Variants in LSAMP observed in about 807,000 individuals in gnomAD.
The protein encoded by LSAMP is limbic system-associated membrane protein.
Under a neutral mutation model 38.6 loss-of-function variants are expected in LSAMP, and 7 were observed. The observed-to-expected ratio is 0.18, with a 90% CI of 0.10 to 0.34. The LOEUF is 0.34. Ranked by LOEUF, LSAMP falls within the 10% of genes least tolerant of loss-of-function variation. The pLI, the probability that LSAMP is intolerant of heterozygous loss-of-function variation, is 1.00. For missense variants in LSAMP, 313 were observed against 420.0 expected (o/e 0.75, Z 2.23); for synonymous variants, 154 against 166.8 (o/e 0.92, Z 0.59).
intron 3 of LSAMP, among the ~76,000 whole-genome samples, chr3:115,959,430 C>A (rs1387829957): frequency 6.6e-6 from 1 of 152,012 alleles, no homozygotes; most frequent in Non-Finnish European, 1.5e-5. Context: ...TGTTGTAAAT[C>A]TGTGCTGTAT....
intron 6 of LSAMP, among the ~76,000 whole-genome samples, chr3:115,835,210 CCT>C (rs1208049944): frequency 6.6e-6 from 1 of 152,048 alleles, no homozygotes; most frequent in Non-Finnish European, 1.5e-5. Flanking sequence ...CTTAATTCCC[CCT>C]CTTTTTATAA....
chr3:116,395,012 C>G (rs1325785568), intron 1 of LSAMP, among the ~76,000 whole-genome samples: 3 of 152,144 alleles, frequency 2.0e-5, no homozygotes, highest in African/African-American at 7.2e-5. Flanking sequence ...CTGTGTTTTG[C>G]TCTCATTTCT....
intron 3 of LSAMP, among the ~76,000 whole-genome samples, chr3:115,956,219 A>C (rs545467564): frequency 6.6e-6 from 1 of 151,716 alleles, no homozygotes; most frequent in South Asian, 2.1e-4. Flanking sequence ...GGAAAGCACT[A>C]GGGTATCTGA....
At chr3:116,348,888 T>C (rs2107762710) in intron 1 of LSAMP, among the ~76,000 whole-genome samples, 1 of 152,290 alleles carries the variant, frequency 6.6e-6, no homozygotes, top group African/African-American at 2.4e-5. Flanking sequence ...TGGCCAAAGC[T>C]ATTACTTTTA....
chr3:116,226,744 G>A (rs1357895836), intron 1 of LSAMP, among the ~76,000 whole-genome samples: 2 of 152,162 alleles, frequency 1.3e-5, no homozygotes, highest in Non-Finnish European at 2.9e-5. Context: ...GTGTAGACAC[G>A]TCACAGTTAG....
chr3:116,184,875 A>G, intron 1 of LSAMP, among the ~76,000 whole-genome samples: 1 of 151,590 alleles, frequency 6.6e-6, no homozygotes, highest in Admixed American at 6.6e-5. Context: ...AGATTCTTTG[A>G]CTTCACTGGA....
intron 2 of LSAMP, among the ~76,000 whole-genome samples, chr3:116,041,673 A>G (rs976564575): frequency 2.6e-5 from 4 of 151,928 alleles, no homozygotes; most frequent in East Asian, 2.0e-4. Flanking sequence ...CTTGATACCA[A>G]CCAGAAACCT....
chr3:115,867,095 G>C (rs1414428513), intron 3 of LSAMP, among the ~76,000 whole-genome samples: 2 of 151,836 alleles, frequency 1.3e-5, no homozygotes, highest in Non-Finnish European at 2.9e-5. Context: ...TAGGAATTGA[G>C]TAGCAAACAC....
intron 1 of LSAMP, among the ~76,000 whole-genome samples, chr3:116,180,323 G>C (rs1710455174): frequency 6.6e-6 from 1 of 151,732 alleles, no homozygotes; most frequent in African/African-American, 2.4e-5. Flanking sequence ...GATGCAATGA[G>C]AGTTCATTAC....
At chr3:116,119,661 C>CTTTTT (rs3071059) in intron 1 of LSAMP, among the ~76,000 whole-genome samples, 3 of 140,572 alleles carry the variant, frequency 2.1e-5, no homozygotes, top group Non-Finnish European at 4.7e-5. Context: ...TTTTTCTTTT[C>CTTTTT]TTTTTTTTTT....
rs959862585 is a variant in LSAMP, at chr3:116,225,384, G to A, written c.156-138828C>T. Among the ~76,000 whole-genome samples the A allele has an allele frequency of 3.9e-5, 6 of 152,270 alleles. No individual in the cohort carries two copies. In the South Asian group the frequency reaches 8.3e-4, roughly 21 times the overall value. On this transcript the variant is annotated intron_variant, in intron 1 of 6. Transcript: ENST00000490035. ...CAGAAGTCGCAAGAGGAAAAGGAAG[G>A]ATTATCCTCTAGAGCCGTCAGAGGG...
intron 1 of LSAMP, among the ~76,000 whole-genome samples, chr3:116,432,296 A>G (rs1355340131): frequency 6.6e-6 from 1 of 151,878 alleles, no homozygotes; most frequent in Non-Finnish European, 1.5e-5. Flanking sequence ...TATAAAAATC[A>G]CATTTATGCT....
At chr3:116,010,672 G>C (rs773495308) in intron 3 of LSAMP, among the ~76,000 whole-genome samples, 1 of 152,354 alleles carries the variant, frequency 6.6e-6, no homozygotes, top group Admixed American at 6.5e-5. Context: ...CAGCACATCA[G>C]AGTAACTCAA....
intron 3 of LSAMP, among the ~76,000 whole-genome samples, chr3:115,949,212 T>C (rs749266187): frequency 1.3e-5 from 2 of 152,236 alleles, no homozygotes; most frequent in African/African-American, 2.4e-5. Context: ...TGAGCCAAGA[T>C]TGGGCCACTG....
At chr3:116,183,732 A>G (rs1478761961) in intron 1 of LSAMP, among the ~76,000 whole-genome samples, 2 of 151,822 alleles carry the variant, frequency 1.3e-5, no homozygotes, top group East Asian at 1.9e-4. Context: ...TCTGATTAGA[A>G]CACCTATAAA....
intron 1 of LSAMP, among the ~76,000 whole-genome samples, chr3:116,088,808 G>A (rs1408952814): frequency 6.6e-6 from 1 of 151,966 alleles, no homozygotes; most frequent in Non-Finnish European, 1.5e-5. Context: ...ACCTAAATAT[G>A]GCCTGTGAAT....
At chr3:115,883,367 A>G (rs1392474617) in intron 3 of LSAMP, among the ~76,000 whole-genome samples, 1 of 152,108 alleles carries the variant, frequency 6.6e-6, no homozygotes, top group Non-Finnish European at 1.5e-5. Flanking sequence ...GTGAGGATCA[A>G]TAATAAGGAA....
chr3:116,413,089 A>C (rs1712999), intron 1 of LSAMP, among the ~76,000 whole-genome samples: 4 of 152,006 alleles, frequency 2.6e-5, no homozygotes, highest in Non-Finnish European at 5.9e-5. Context: ...TTTTTAACAC[A>C]TCTTCCAGGT....
chr3:115,961,070 G>A (rs1216252346), intron 3 of LSAMP, among the ~76,000 whole-genome samples: 3 of 152,210 alleles, frequency 2.0e-5, no homozygotes, highest in Admixed American at 1.3e-4. Flanking sequence ...GCAGCTTAAC[G>A]AGGTAAGGGA....
Sources: allele counts gnomAD v4.1 joint callset (sites outside exome capture counted in the v4.1 genomes callset), GRCh38; gene constraint gnomAD v4.1.1; transcripts MANE v1.5; gene names NCBI Gene and HGNC (gene_info 2026-07-23, HGNC 2026-07-21).